P2RX3: variants seen among roughly 807,000 people sequenced by gnomAD.
P2RX3 encodes purinergic receptor P2X 3.
In P2RX3, 41 loss-of-function variants were observed where a neutral mutation model predicts 51.5. The ratio of observed to expected loss-of-function variants is 0.80; its 90% confidence interval spans 0.62 to 1.03. The LOEUF (loss-of-function observed/expected upper bound fraction) is 1.03, where lower values mean the gene tolerates loss of function less well. P2RX3 is among the 50% of genes least tolerant of loss of function. The pLI, the probability that P2RX3 is intolerant of heterozygous loss-of-function variation, is 0.00. For missense variants in P2RX3, 459 were observed against 522.1 expected, an observed-to-expected ratio of 0.88 and a Z score of 1.18; for synonymous variants, 185 against 191.6, an observed-to-expected ratio of 0.97 and a Z score of 0.29.
At chr11:57,362,115 G>A (rs1439663417) in intron 8 of P2RX3, among the ~76,000 whole-genome samples, 1 of 152,200 alleles carries the variant, frequency 6.6e-6, no homozygotes, top group African/African-American at 2.4e-5. Flanking sequence ...TCTGAGCTGG[G>A]CTCTAATGGA....
chr11:57,348,088 T>C (rs982749066), intron 4 of P2RX3, 82 bp from the exon 5 acceptor site: 2 of 1,225,236 alleles, frequency 1.6e-6, no homozygotes, highest in African/African-American at 1.5e-5. Flanking sequence ...GGGTCCCTGA[T>C]GGGGGGAAGG....
At chr11:57,367,966 A>G (rs1301457972) in intron 8 of P2RX3, 43 bp from the exon 9 acceptor site, 7 of 1,498,926 alleles carry the variant, frequency 4.7e-6, no homozygotes, top group Non-Finnish European at 6.5e-6. Flanking sequence ...GGCAGGAGAG[A>G]CAGGATCCCA....
chr11:57,348,663 C>T lies in P2RX3; in HGVS notation c.522C>T (p.Phe174=), dbSNP rs750567575. ...TGGAAGCTGAGAACTTCACTATTTT[C>T]ATCAAGAACAGCATCCGTTTCCCCC... is the stretch of plus-strand genomic sequence containing the variant. The part of the protein sequence containing the change: ...IMMEAENFTI[F]IKNSIRFPLF... Residue 174 remains phenylalanine, a synonymous_variant, in exon 6 of 12, where the codon TTC becomes TTT. Transcript: ENST00000263314. 2.5e-6 allele frequency: 4 copies of T among 1,613,886 alleles called. No homozygotes were observed. Among genetic ancestry groups the T allele is most frequent in the Non-Finnish European group, 3.4e-6 (4 of 1,179,974 alleles).
intron 8 of P2RX3, among the ~76,000 whole-genome samples, chr11:57,359,572 G>A (rs889460779): frequency 2.0e-5 from 3 of 152,176 alleles, no homozygotes; most frequent in African/African-American, 7.2e-5. Context: ...GCAGCTGTTC[G>A]GGCTCTGTTC....
intron 8 of P2RX3, among the ~76,000 whole-genome samples, chr11:57,366,771 T>C (rs769160484): frequency 9.2e-5 from 14 of 152,234 alleles, no homozygotes; most frequent in Admixed American, 2.6e-4. Flanking sequence ...GCGCAGGGTG[T>C]CACATGGAGA....
At chr11:57,368,915 G>A (rs1856838644) in intron 10 of P2RX3, among the ~76,000 whole-genome samples, 1 of 152,080 alleles carries the variant, frequency 6.6e-6, no homozygotes, top group African/African-American at 2.4e-5. Context: ...AAAGTCCCTG[G>A]GCATTTTTCT....
At chr11:57,342,839 C>T (rs941721499) in intron 1 of P2RX3, among the ~76,000 whole-genome samples, 3 of 151,980 alleles carry the variant, frequency 2.0e-5, no homozygotes, top group Non-Finnish European at 2.9e-5. Context: ...ACACACACAG[C>T]GTGCACTCTT....
rs990071455 is a variant in P2RX3, at chr11:57,371,181, G to A, written c.*1184G>A. On this transcript the variant is annotated 3_prime_UTR_variant, in exon 12 of 12. Transcript: ENST00000263314. ...GGAAGGAGGCAAGAACAGGAAGCTG[G>A]ATCCATTGACCCAGACATCCTCTAT... Among the ~76,000 whole-genome samples, 1 of 152,204 alleles carries A rather than the reference G, an allele frequency of 6.6e-6. No homozygotes were observed. Among genetic ancestry groups the A allele is most frequent in the Non-Finnish European group, 1.5e-5 (1 of 68,036 alleles).
intron 8 of P2RX3, among the ~76,000 whole-genome samples, chr11:57,356,034 T>C (rs537667265): frequency 1.3e-5 from 2 of 152,190 alleles, no homozygotes; most frequent in South Asian, 2.1e-4. Flanking sequence ...AAAAAATAAA[T>C]AATAAATGAA....
chr11:57,347,755 G>C (rs1246559380), intron 4 of P2RX3, among the ~76,000 whole-genome samples: 1 of 152,156 alleles, frequency 6.6e-6, no homozygotes, highest in Non-Finnish European at 1.5e-5. Context: ...GCCTGGGGGA[G>C]GGGGAGAGAT....
chr11:57,337,350 G>GAAAAAAAAAAAAAAAAGAAAAAAAAA (rs11339711), upstream of P2RX3, among the ~76,000 whole-genome samples: 3 of 73,500 alleles, frequency 4.1e-5, no homozygotes, highest in African/African-American at 5.9e-5. Context: ...AGGAAAGAAA[G>GAAAAAAAAAAAAAAAAGAAAAAAAAA]AAAAAAAAAA....
intron 9 of P2RX3, 32 bp downstream of exon 9, chr11:57,368,134 C>G: frequency 6.3e-7 from 1 of 1,592,824 alleles, no homozygotes; most frequent in South Asian, 1.1e-5. Flanking sequence ...ATGGGGTGGA[C>G]AGGGGAGGCA....
chr11:57,369,854 A>G (rs1254463930), intron 11 of P2RX3, 30 bp from the exon 12 acceptor site: 4 of 1,498,732 alleles, frequency 2.7e-6, no homozygotes, highest in East Asian at 2.3e-5. Context: ...CATAGTCAGA[A>G]CTTGACAACA....
chr11:57,364,507 G>T (rs1228477088), intron 8 of P2RX3, among the ~76,000 whole-genome samples: 1 of 152,134 alleles, frequency 6.6e-6, no homozygotes, highest in Non-Finnish European at 1.5e-5. Context: ...CTATATTGTT[G>T]GTGCTCTATA....
upstream of P2RX3, among the ~76,000 whole-genome samples, chr11:57,337,913 A>T (rs144410983): frequency 1.5e-3 from 228 of 152,380 alleles, no homozygotes; most frequent in African/African-American, 5.3e-3. Context: ...TACCAGCTGG[A>T]GTTAGAAATA....
intron 8 of P2RX3, among the ~76,000 whole-genome samples, chr11:57,359,257 C>T (rs971514452): frequency 3.3e-5 from 5 of 152,184 alleles, no homozygotes; most frequent in African/African-American, 9.7e-5. Flanking sequence ...ATACCCCATC[C>T]CCTCCTTCCC....
intron 8 of P2RX3, among the ~76,000 whole-genome samples, chr11:57,353,837 T>TCCCCCCCCCCCC (rs3837409): frequency 8.3e-6 from 1 of 120,910 alleles, no homozygotes; most frequent in Non-Finnish European, 1.7e-5. Flanking sequence ...CAAATGTCAC[T>TCCCCCCCCCCCC]CCCCCCCCCC....
intron 8 of P2RX3, among the ~76,000 whole-genome samples, chr11:57,363,360 T>G (rs1439573932): frequency 6.6e-6 from 1 of 152,156 alleles, no homozygotes; most frequent in Non-Finnish European, 1.5e-5. Context: ...TGGCTTAATG[T>G]GAAGGTTGAT....
intron 1 of P2RX3, among the ~76,000 whole-genome samples, chr11:57,345,749 G>A (rs1856418778): frequency 6.6e-6 from 1 of 152,174 alleles, no homozygotes; most frequent in African/African-American, 2.4e-5. Flanking sequence ...TGGAAAAAGG[G>A]AAGGCCTCAT....
Sources: gnomAD v4.1 joint callset for allele counts (sites outside exome capture counted in the v4.1 genomes callset) on GRCh38, gnomAD v4.1.1 for gene constraint, MANE v1.5 for transcripts, NCBI Gene and HGNC (gene_info 2026-07-23, HGNC 2026-07-21) for gene names.